Variants in FAM153A observed in about 807,000 individuals in gnomAD.
The protein encoded by FAM153A is family with sequence similarity 153 member A.
Under a neutral mutation model 48.1 loss-of-function variants are expected in FAM153A, and 12 were observed. The ratio of observed to expected loss-of-function variants is 0.25; its 90% CI spans 0.16 to 0.40. The LOEUF (loss-of-function observed/expected upper bound fraction) is 0.40. Among genes scored for constraint, FAM153A ranks in the 10% least tolerant of loss-of-function variants. The pLI is 1.00. For missense variants in FAM153A, 111 were observed against 345.8 expected (o/e 0.32, Z 5.38); for synonymous variants, 36 against 118.2 (o/e 0.30, Z 4.51).
At chr5:177,699,888 GAAA>G in the FAM153A span, among the ~76,000 whole-genome samples, 14 of 133,056 alleles carry the variant, frequency 1.1e-4, no homozygotes, top group Admixed American at 3.1e-4. Context: ...ACCAAAGCCA[GAAA>G]AAAAAAAACA....
At chr5:177,765,589 C>A (rs796825099) in intron 1 of FAM153A, among the ~76,000 whole-genome samples, 11,879 of 121,442 alleles carry the variant, frequency 0.098, 570 homozygotes, top group African/African-American at 0.27. Flanking sequence ...ACTGTGAACA[C>A]CTTTGCAGGC....
Position 177,771,029 on chromosome 5 carries a change from G to C in FAM153A, c.-57+9420C>G, listed in dbSNP as rs868692659. ...CTGTTATTATGATATATTTAAGCAG[G>C]ACACAGTGGTAACCCTAAAAATTGG... On this transcript the variant is annotated intron_variant, in intron 1 of 8. Transcript: ENST00000393518. Among the ~76,000 whole-genome samples, 83 of 97,552 alleles carry C rather than the reference G, an allele frequency of 8.5e-4. 28 individuals are homozygous for C. Among genetic ancestry groups the C allele is most frequent in the African/African-American group, 3.0e-3 (74 of 24,770 alleles). The allele number at this position is 97,552 out of a possible 152,430, so 64.0% of individuals were successfully genotyped here.
At chr5:177,718,611 A>G (rs1297353301), downstream of FAM153A, 1 of 134,948 alleles carries the variant, frequency 7.4e-6, no homozygotes, top group Non-Finnish European at 1.7e-5. Context: ...ATCCTTTAAT[A>G]AAATTAAGAA....
intron 1 of FAM153A, among the ~76,000 whole-genome samples, chr5:177,764,613 G>A (rs962986914): frequency 6.8e-6 from 1 of 147,492 alleles, no homozygotes; most frequent in Non-Finnish European, 1.5e-5. Context: ...TCATGATGAG[G>A]ATGGCTGTGA....
upstream of FAM153A, among the ~76,000 whole-genome samples, chr5:177,754,143 C>G (rs1447915848): frequency 1.3e-5 from 2 of 151,994 alleles, no homozygotes; most frequent in East Asian, 3.9e-4. Flanking sequence ...CACCCTAATA[C>G]TGCGCTTTTC....
chr5:177,697,631 C>T, the FAM153A span, among the ~76,000 whole-genome samples: 173 of 151,992 alleles, frequency 1.1e-3, 1 homozygote, highest in Middle Eastern at 0.017. Flanking sequence ...TGGCTCTCTT[C>T]TGTACTTCAG....
chr5:177,756,708 A>T (rs1237615101), upstream of FAM153A, among the ~76,000 whole-genome samples: 1 of 151,710 alleles, frequency 6.6e-6, no homozygotes, highest in Non-Finnish European at 1.5e-5. Flanking sequence ...AACTACATGG[A>T]AACTGAACAA....
rs768527317 is a variant in FAM153A at position 177,744,878 on chromosome 5, G to T, written c.339+10C>A. The stretch of plus-strand genomic sequence containing the variant: ...ACAGTTTTTTCTCAGACAAATCCAG[G>T]TGGCCTGACCTTCATCGCCTCTTGG... On this transcript the variant is annotated intron_variant, in intron 5 of 20. Transcript: ENST00000614127. The T allele has an allele frequency of 1.3e-5, 17 of 1,321,868 alleles. No homozygotes were observed. Among genetic ancestry groups the T allele is most frequent in the South Asian group, 1.2e-4 (10 of 83,166 alleles). 81.9% of individuals were successfully genotyped at this position (1,321,868 alleles called of 1,614,324 possible).
upstream of FAM153A, among the ~76,000 whole-genome samples, chr5:177,755,024 A>T (rs1041173622): frequency 3.9e-5 from 6 of 152,076 alleles, no homozygotes; most frequent in East Asian, 9.6e-4. Context: ...GATTCAGATG[A>T]TCAAACTTCT....
At position 177,751,006 on chromosome 5, in the gene FAM153A, T is replaced by TGCCAGGGGAA; in HGVS notation, c.77_78insTTCCCCTGGC (p.Glu26AspfsTer13). ...CACGCTCGCGGTGGCAGACGGTGGA[T>TGCCAGGGGAA]TCCCCTGGCATCCTAGGATACACTA... On this transcript the variant is annotated frameshift_variant, in exon 2 of 21. Coordinates refer to ENST00000614127, the Ensembl canonical transcript of FAM153A. LOFTEE classifies it high-confidence loss of function. The TGCCAGGGGAA allele has an allele frequency of 3.9e-6, 3 of 769,070 alleles. No homozygotes were observed. Among genetic ancestry groups the TGCCAGGGGAA allele is most frequent in the Non-Finnish European group, 6.2e-6 (3 of 482,930 alleles). The allele number at this position is 769,070 out of a possible 1,614,324, so 47.6% of individuals were successfully genotyped here.
At chr5:177,733,608 C>T (rs1764211777) in intron 14 of FAM153A, among the ~76,000 whole-genome samples, 1 of 150,380 alleles carries the variant, frequency 6.6e-6, no homozygotes, top group African/African-American at 2.5e-5. Flanking sequence ...CTCGCTGTAG[C>T]ATGAGGCTGC....
upstream of FAM153A, among the ~76,000 whole-genome samples, chr5:177,754,285 G>C (rs1463548855): frequency 6.6e-6 from 1 of 151,930 alleles, no homozygotes; most frequent in Non-Finnish European, 1.5e-5. Flanking sequence ...AGCGAGGCTG[G>C]GGTAGGGGCG....
chr5:177,754,600 T>G (rs957957642), upstream of FAM153A, among the ~76,000 whole-genome samples: 1 of 152,022 alleles, frequency 6.6e-6, no homozygotes, highest in Admixed American at 6.5e-5. Flanking sequence ...AGGGGCAGAC[T>G]GACACCTCAC....
chr5:177,761,363 G>C (rs1768300616), intron 1 of FAM153A, among the ~76,000 whole-genome samples: 1 of 151,630 alleles, frequency 6.6e-6, no homozygotes, highest in African/African-American at 2.4e-5. Flanking sequence ...GGCCATCCTA[G>C]TGGCCTGTGA....
chr5:177,748,011 CCT>C (rs1177176537), intron 3 of FAM153A, among the ~76,000 whole-genome samples: 9 of 9,320 alleles, frequency 9.7e-4, no homozygotes, highest in Admixed American at 1.5e-3. Flanking sequence ...TTCCTTCCTG[CCT>C]CTCTCTCTCT....
At chr5:177,730,570 C>T (rs1329571086) in intron 16 of FAM153A, among the ~76,000 whole-genome samples, 1 of 120,068 alleles carries the variant, frequency 8.3e-6, no homozygotes, top group Non-Finnish European at 1.9e-5. Context: ...GGTTAGCTGA[C>T]CATTGAGACC....
downstream of FAM153A, chr5:177,722,885 C>G (rs1761389438): frequency 6.7e-6 from 1 of 149,200 alleles, no homozygotes; most frequent in Admixed American, 6.8e-5. Flanking sequence ...AACGGAATTT[C>G]AAGCATACCA....
chr5:177,702,165 C>T, the FAM153A span, among the ~76,000 whole-genome samples: 4 of 151,858 alleles, frequency 2.6e-5, 1 homozygote, highest in African/African-American at 9.7e-5. Flanking sequence ...GCCTCGGCCT[C>T]CCACAGTGCT....
chr5:177,764,608 A>G (rs1412326450), intron 1 of FAM153A, among the ~76,000 whole-genome samples: 32 of 146,228 alleles, frequency 2.2e-4, no homozygotes, highest in Non-Finnish European at 3.5e-4. Flanking sequence ...ACTGATCATG[A>G]TGAGGATGGC....
Sources: gnomAD v4.1 joint callset for allele counts (sites outside exome capture counted in the v4.1 genomes callset) on GRCh38, gnomAD v4.1.1 for gene constraint, MANE v1.5 for transcripts, NCBI Gene and HGNC (gene_info 2026-07-23, HGNC 2026-07-21) for gene names.